TASP1: variants seen among roughly 807,000 people sequenced by gnomAD.
TASP1 encodes the protein taspase 1, also known as threonine aspartase 1.
Under a neutral mutation model 56.6 loss-of-function variants are expected in TASP1, and 16 were observed. The observed-to-expected ratio is 0.28, with a 90% CI of 0.19 to 0.43. The LOEUF is 0.43. Among genes scored for constraint, TASP1 ranks in the 20% least tolerant of loss-of-function variants. The pLI, the probability that TASP1 is intolerant of heterozygous loss-of-function variation, is 1.00. For missense variants in TASP1, 393 were observed against 511.6 expected, an observed-to-expected ratio of 0.77 and a Z score of 2.24; for synonymous variants, 179 against 184.2, an observed-to-expected ratio of 0.97 and a Z score of 0.23.
chr20:13,505,965 C>T (rs6514411), intron 10 of TASP1, among the ~76,000 whole-genome samples: 91,602 of 151,620 alleles, frequency 0.6, 28,462 homozygotes, highest in Non-Finnish European at 0.68. Context: ...TCAACAAAAC[C>T]AAGCTGTTTT....
the TASP1 span, among the ~76,000 whole-genome samples, chr20:13,204,537 A>T: frequency 1.3e-4 from 20 of 150,880 alleles, no homozygotes; most frequent in African/African-American, 4.1e-4. Context: ...TCATATATAT[A>T]TATATATATG....
At chr20:13,144,630 A>G in the TASP1 span, among the ~76,000 whole-genome samples, 1 of 152,246 alleles carries the variant, frequency 6.6e-6, no homozygotes, top group Non-Finnish European at 1.5e-5. Flanking sequence ...CAAACACTAT[A>G]TAATTTGTTA....
chr20:13,158,868 G>A, the TASP1 span, among the ~76,000 whole-genome samples: 5 of 152,280 alleles, frequency 3.3e-5, no homozygotes, highest in South Asian at 6.2e-4. Context: ...TATTCTCCAC[G>A]TCTGGTTCAA....
chr20:13,305,485 G>A, the TASP1 span, among the ~76,000 whole-genome samples: 10 of 152,126 alleles, frequency 6.6e-5, no homozygotes, highest in African/African-American at 1.2e-4. Context: ...GGATTAGGGC[G>A]GAGTTCTCTG....
chr20:13,448,393 C>A (rs1413245330), intron 11 of TASP1, among the ~76,000 whole-genome samples: 1 of 152,038 alleles, frequency 6.6e-6, no homozygotes, highest in African/African-American at 2.4e-5. Context: ...GCTTTCATAT[C>A]ATTTTTCCAC....
At chr20:13,272,892 A>C in the TASP1 span, among the ~76,000 whole-genome samples, 2 of 152,216 alleles carry the variant, frequency 1.3e-5, no homozygotes, top group Non-Finnish European at 2.9e-5. Flanking sequence ...AAGGGTGTTT[A>C]GGCCATGCCC....
At chr20:13,317,148 G>A in the TASP1 span, among the ~76,000 whole-genome samples, 2 of 151,772 alleles carry the variant, frequency 1.3e-5, no homozygotes, top group African/African-American at 4.8e-5. Flanking sequence ...CAATGAACAA[G>A]TGGAATTTGA....
the TASP1 span, chr20:13,117,581 T>A: frequency 6.2e-7 from 1 of 1,613,930 alleles, no homozygotes; most frequent in South Asian, 1.1e-5. Flanking sequence ...TCTACATAGA[T>A]GAAGCTCACA....
chr20:13,394,611 CA>C (rs200848729), intron 13 of TASP1, among the ~76,000 whole-genome samples: 31 of 142,884 alleles, frequency 2.2e-4, no homozygotes, highest in African/African-American at 3.3e-4. Flanking sequence ...GACTCTATCT[CA>C]AAAAAAAAAG....
chr20:13,283,036 T>C, the TASP1 span, among the ~76,000 whole-genome samples: 1 of 152,168 alleles, frequency 6.6e-6, no homozygotes, highest in Admixed American at 6.5e-5. Context: ...CTTTCTGTTT[T>C]TTTATTTATT....
intron 11 of TASP1, among the ~76,000 whole-genome samples, chr20:13,450,012 T>A (rs533177959): frequency 1.3e-5 from 2 of 152,230 alleles, no homozygotes; most frequent in Non-Finnish European, 2.9e-5. Flanking sequence ...ACAACTTCAA[T>A]AGAGCAAATA....
At chr20:13,379,226 C>CCATA in the TASP1 span, among the ~76,000 whole-genome samples, 1 of 152,180 alleles carries the variant, frequency 6.6e-6, no homozygotes. Flanking sequence ...TTTTACCTTT[C>CCATA]CATATTTAGT....
rs201959435 is a variant in TASP1 at position 13,390,441 on chromosome 20, T to G, written c.1182A>C (p.Ser394=). The G allele has an allele frequency of 5.9e-5, 95 of 1,613,492 alleles. No individual in the cohort carries two copies. In the East Asian group the frequency reaches 1.2e-3, roughly 20 times the overall value. ...CTGCCACCGCACCAGGAGGAAGTCT[T>G]GAAATGTGAGTCTGCAGAGAGAGAG... ...AQDGKAKTHI[S]RLPPGAVAGQ... Residue 394 remains serine, a synonymous_variant, in exon 14 of 14, where the codon TCA becomes TCC. Coordinates refer to ENST00000337743, the MANE Select transcript of TASP1 (RefSeq NM_017714.3).
chr20:13,544,911 A>G (rs1400412744), intron 8 of TASP1, among the ~76,000 whole-genome samples: 1 of 152,234 alleles, frequency 6.6e-6, no homozygotes, highest in Non-Finnish European at 1.5e-5. Flanking sequence ...ATTCCTGTCA[A>G]TGAAACACCA....
At chr20:13,255,925 G>T in the TASP1 span, among the ~76,000 whole-genome samples, 8 of 147,940 alleles carry the variant, frequency 5.4e-5, no homozygotes, top group Non-Finnish European at 1.0e-4. Context: ...AGTTCCTGGG[G>T]TTTTTTTTTT....
intron 4 of TASP1, among the ~76,000 whole-genome samples, chr20:13,610,987 G>C (rs2048330717): frequency 6.6e-6 from 1 of 152,114 alleles, no homozygotes; most frequent in Non-Finnish European, 1.5e-5. Flanking sequence ...GGCTACAAAA[G>C]CTAACCACTC....
the TASP1 span, among the ~76,000 whole-genome samples, chr20:13,303,077 C>T: frequency 6.6e-6 from 1 of 152,214 alleles, no homozygotes; most frequent in Admixed American, 6.5e-5. Context: ...GGCATTATTA[C>T]ATCCAGTCTA....
intron 3 of TASP1, among the ~76,000 whole-genome samples, chr20:13,624,817 C>A (rs191227013): frequency 6.6e-6 from 1 of 151,870 alleles, no homozygotes; most frequent in Admixed American, 6.5e-5. Flanking sequence ...AGGAAAGTAC[C>A]CATTTTAATT....
chr20:13,133,317 G>A, the TASP1 span, among the ~76,000 whole-genome samples: 1 of 152,134 alleles, frequency 6.6e-6, no homozygotes, highest in African/African-American at 2.4e-5. Flanking sequence ...CAAGCCCCAG[G>A]TGCTGCTGCT....
Sources: gnomAD v4.1 joint callset for allele counts (sites outside exome capture counted in the v4.1 genomes callset) on GRCh38, gnomAD v4.1.1 for gene constraint, MANE v1.5 for transcripts, NCBI Gene and HGNC (gene_info 2026-07-23, HGNC 2026-07-21) for gene names.